MCC: variants seen among roughly 807,000 people sequenced by gnomAD.
The protein encoded by MCC is MCC regulator of Wnt signaling pathway, also known as colorectal mutant cancer protein.
Under a neutral mutation model 116.2 loss-of-function variants are expected in MCC, and 90 were observed. The ratio of observed to expected loss-of-function variants is 0.77; its 90% CI spans 0.65 to 0.92. MCC has a LOEUF of 0.92. Ranked by LOEUF, MCC falls within the 40% of genes least tolerant of loss-of-function variation. The probability of loss-of-function intolerance (pLI) is 0.00; values close to 1 mark genes in which losing one functional copy is unlikely to be tolerated. For missense variants in MCC, 1,516 were observed against 1,312.2 expected, an observed-to-expected ratio of 1.16 and a Z score of -2.40; for synonymous variants, 578 against 510.5, an observed-to-expected ratio of 1.13 and a Z score of -1.78.
chr5:113,216,789 G>GATAAGGGT (rs1483022477), intron 3 of MCC, among the ~76,000 whole-genome samples: 2 of 152,168 alleles, frequency 1.3e-5, no homozygotes, highest in African/African-American at 4.8e-5. Flanking sequence ...TTCCCACTAG[G>GATAAGGGT]ATAAGGGTTG....
rs145621681 is a variant in MCC at position 113,177,645 on chromosome 5, C to CA, written c.628-26224dup. Among the ~76,000 whole-genome samples the CA allele has an allele frequency of 4.9e-3, 742 of 151,818 alleles. 6 individuals are homozygous for CA. Among genetic ancestry groups the CA allele is most frequent in the African/African-American group, 0.016 (654 of 41,372 alleles). On this transcript the variant is annotated intron_variant, in intron 3 of 18. Transcript: ENST00000408903. The stretch of plus-strand genomic sequence containing the variant: ...GCCATTTCACATAAAGACATTATAC[C>CA]AAAAAACAAAATTGTTATAGCAATT...
chr5:113,439,519 C>A (rs571945406), intron 1 of MCC, among the ~76,000 whole-genome samples: 1 of 152,244 alleles, frequency 6.6e-6, no homozygotes, highest in Admixed American at 6.5e-5. Context: ...TGGTCAGTAC[C>A]CTCAGAAGGT....
chr5:113,309,078 T>C (rs1373561729), intron 3 of MCC, among the ~76,000 whole-genome samples: 1 of 152,202 alleles, frequency 6.6e-6, no homozygotes, highest in Admixed American at 6.5e-5. Context: ...CTCAATTACA[T>C]TGTCCAATTA....
At chr5:113,396,773 C>T (rs935358582) in intron 1 of MCC, among the ~76,000 whole-genome samples, 4 of 152,156 alleles carry the variant, frequency 2.6e-5, no homozygotes, top group African/African-American at 9.7e-5. Flanking sequence ...CTGTTGTATT[C>T]CCAATACCAA....
At chr5:113,424,658 A>G (rs1770436867) in intron 1 of MCC, among the ~76,000 whole-genome samples, 3 of 152,332 alleles carry the variant, frequency 2.0e-5, no homozygotes, top group African/African-American at 7.2e-5. Flanking sequence ...GGTGACAGTG[A>G]GCTGAGATTG....
At chr5:113,465,976 G>A (rs1395390569) in intron 1 of MCC, among the ~76,000 whole-genome samples, 1 of 150,694 alleles carries the variant, frequency 6.6e-6, no homozygotes, top group East Asian at 2.0e-4. Context: ...TCGTTCCATC[G>A]CTCAGGCTGG....
At chr5:113,144,309 T>C (rs936583375) in intron 4 of MCC, among the ~76,000 whole-genome samples, 3 of 152,210 alleles carry the variant, frequency 2.0e-5, no homozygotes, top group African/African-American at 7.2e-5. Context: ...TTTAATCTCA[T>C]TTACATAATA....
At chr5:113,454,243 C>A (rs890178515) in intron 1 of MCC, among the ~76,000 whole-genome samples, 7 of 152,080 alleles carry the variant, frequency 4.6e-5, no homozygotes, top group Admixed American at 4.6e-4. Context: ...TAGCTGGGAC[C>A]ACAGGCATTT....
chr5:113,179,347 C>A (rs1761496066), intron 3 of MCC, among the ~76,000 whole-genome samples: 1 of 152,212 alleles, frequency 6.6e-6, no homozygotes, highest in African/African-American at 2.4e-5. Flanking sequence ...CAGCCTAGCA[C>A]AGGGAACATT....
At chr5:113,419,314 G>T (rs1045254380) in intron 1 of MCC, among the ~76,000 whole-genome samples, 1 of 151,588 alleles carries the variant, frequency 6.6e-6, no homozygotes, top group Non-Finnish European at 1.5e-5. Context: ...GGGACCATAG[G>T]TGCATGCCAC....
intron 1 of MCC, 53 bp from the exon 2 acceptor site, chr5:113,385,265 G>C: frequency 4.5e-6 from 7 of 1,549,014 alleles, no homozygotes; most frequent in Non-Finnish European, 4.4e-6. Context: ...ATTTAAGCTA[G>C]AGAAACTGGT....
chr5:113,155,522 C>T (rs773265120), intron 3 of MCC, among the ~76,000 whole-genome samples: 2 of 152,058 alleles, frequency 1.3e-5, no homozygotes, highest in East Asian at 1.9e-4. Flanking sequence ...AGAGTGCCTC[C>T]GGGTGATTTT....
chr5:113,038,837 G>A (rs1274697522), intron 17 of MCC, among the ~76,000 whole-genome samples: 1 of 152,208 alleles, frequency 6.6e-6, no homozygotes, highest in Non-Finnish European at 1.5e-5. Context: ...TGGTGGATGA[G>A]TCAGGGGCAT....
At chr5:113,320,468 G>T (rs954145426) in intron 3 of MCC, among the ~76,000 whole-genome samples, 1 of 131,660 alleles carries the variant, frequency 7.6e-6, no homozygotes, top group African/African-American at 3.4e-5. Flanking sequence ...AAAAAAAAAG[G>T]CTGTTTAAAT....
chr5:113,432,356 A>C (rs1380113960), intron 1 of MCC, among the ~76,000 whole-genome samples: 2 of 151,922 alleles, frequency 1.3e-5, no homozygotes, highest in African/African-American at 2.4e-5. Context: ...AAAGAAAAAA[A>C]AACAGCTAAC....
chr5:113,422,543 G>A (rs1294979886), intron 1 of MCC, among the ~76,000 whole-genome samples: 4 of 152,150 alleles, frequency 2.6e-5, no homozygotes, highest in African/African-American at 7.2e-5. Context: ...AAGCAAGTAC[G>A]AGCCAGCTCC....
intron 16 of MCC, chr5:113,044,522 C>A (rs753893167): frequency 3.1e-6 from 3 of 975,960 alleles, no homozygotes; most frequent in Non-Finnish European, 3.7e-6. Flanking sequence ...AGCTGCAGAC[C>A]TGAGAATAAA....
chr5:113,197,903 G>T (rs996237412), intron 3 of MCC, among the ~76,000 whole-genome samples: 1 of 152,230 alleles, frequency 6.6e-6, no homozygotes. Context: ...GAGAGGCGGA[G>T]GAAAGCACAG....
intron 11 of MCC, among the ~76,000 whole-genome samples, chr5:113,081,017 G>A (rs1407866176): frequency 6.6e-6 from 1 of 152,138 alleles, no homozygotes; most frequent in Non-Finnish European, 1.5e-5. Flanking sequence ...CTAGCATATA[G>A]CAGATGCTTA....
Sources: allele counts gnomAD v4.1 joint callset (sites outside exome capture counted in the v4.1 genomes callset), GRCh38; gene constraint gnomAD v4.1.1; transcripts MANE v1.5; gene names NCBI Gene and HGNC (gene_info 2026-07-23, HGNC 2026-07-21).